The following DYNLRB2 variants were observed in gnomAD, a reference collection of about 807,000 sequenced individuals.
The protein encoded by DYNLRB2 is bithoraxoid-like protein.
A neutral mutation model predicts 12.6 loss-of-function variants in DYNLRB2; 14 were observed. The ratio of observed to expected loss-of-function variants is 1.11; its 90% confidence interval spans 0.73 to 1.73. The LOEUF is 1.73. Ranked by LOEUF, DYNLRB2 falls within the 40% of genes most tolerant of loss-of-function variation. The pLI, the probability that DYNLRB2 is intolerant of heterozygous loss-of-function variation, is 0.00. For synonymous variants in DYNLRB2, 53 were observed against 37.0 expected, an observed-to-expected ratio of 1.43 and a Z score of -1.57; for missense variants, 142 against 117.7, an observed-to-expected ratio of 1.21 and a Z score of -0.95.
At chr16:80,542,347 C>T (rs1156287966) in intron 1 of DYNLRB2, among the ~76,000 whole-genome samples, 1 of 152,118 alleles carries the variant, frequency 6.6e-6, no homozygotes, top group African/African-American at 2.4e-5. Context: ...ATCTAGTACA[C>T]AAATGCCTAA....
chr16:80,541,229 A>G, intron 1 of DYNLRB2, 150 bp downstream of exon 1: 1 of 1,428,704 alleles, frequency 7.0e-7, no homozygotes, highest in Non-Finnish European at 9.3e-7. Context: ...TGGAGGGGCG[A>G]GAGGGAGACC....
chr16:80,549,733 C>A, intron 3 of DYNLRB2, 82 bp downstream of exon 3: 1 of 1,366,688 alleles, frequency 7.3e-7, no homozygotes, highest in Non-Finnish European at 9.9e-7. Context: ...ATGGTAAGTA[C>A]AGATTTTAGT....
intron 2 of DYNLRB2, chr16:80,548,108 G>A: frequency 8.7e-6 from 2 of 229,194 alleles, no homozygotes. Context: ...GCCATGTTAG[G>A]CTCATTTCTT....
At chr16:80,546,132 G>T (rs528436650) in intron 2 of DYNLRB2, among the ~76,000 whole-genome samples, 1 of 152,198 alleles carries the variant, frequency 6.6e-6, no homozygotes, top group African/African-American at 2.4e-5. Context: ...TGGTTCGATT[G>T]TTAATAACCA....
At chr16:80,545,722 C>T (rs1358387934) in intron 2 of DYNLRB2, among the ~76,000 whole-genome samples, 4 of 118,792 alleles carry the variant, frequency 3.4e-5, no homozygotes, top group African/African-American at 1.2e-4. Context: ...GGCTTGAGTG[C>T]AGTGGCAGGA....
chr16:80,547,008 T>C (rs971277094), intron 2 of DYNLRB2, among the ~76,000 whole-genome samples: 1 of 152,174 alleles, frequency 6.6e-6, no homozygotes, highest in Non-Finnish European at 1.5e-5. Context: ...TACACATACA[T>C]ATAAATGTAT....
intron 2 of DYNLRB2, chr16:80,549,027 A>G (rs559814193): frequency 1.3e-5 from 6 of 455,902 alleles, no homozygotes; most frequent in African/African-American, 8.0e-5. Flanking sequence ...TGCATTTCAT[A>G]TAAAAATATG....
At chr16:80,542,286 G>A (rs1904294984) in intron 1 of DYNLRB2, among the ~76,000 whole-genome samples, 2 of 152,156 alleles carry the variant, frequency 1.3e-5, no homozygotes, top group African/African-American at 2.4e-5. Flanking sequence ...ATAATTTAAA[G>A]AACACCTAGA....
chr16:80,540,985 C>A (rs1909289117), upstream of DYNLRB2: 3 of 1,583,840 alleles, frequency 1.9e-6, no homozygotes, highest in African/African-American at 1.3e-5. Flanking sequence ...GGGGCCACTT[C>A]CTTTTTTGTC....
chr16:80,540,918 C>A (rs1203022345), upstream of DYNLRB2: 12 of 1,340,812 alleles, frequency 8.9e-6, no homozygotes, highest in Middle Eastern at 5.3e-4. Flanking sequence ...ATCAGGAGCG[C>A]GGTCAGGGCG....
rs1904789690 is a variant in DYNLRB2, at chr16:80,550,673, C to G, written c.*115C>G. ...ACCCTTCAAACATTCTTTTCTATTT[C>G]TATATCTAAACTGTTCTGCATGTCT... On this transcript the variant is annotated 3_prime_UTR_variant, in exon 4 of 4. Coordinates refer to ENST00000305904, the MANE Select transcript of DYNLRB2 (RefSeq NM_130897.3). 9.3e-6 allele frequency: 11 copies of G among 1,180,122 alleles called. No individual in the cohort carries two copies. The East Asian group carries it at 2.6e-4, about 28-fold the overall frequency. 73.1% of individuals were successfully genotyped at this position (1,180,122 alleles called of 1,614,324 possible).
chr16:80,550,576 C>T lies in DYNLRB2; in HGVS notation c.*18C>T. ...GTGAATAGACCTGCGATGGCCAAGGCTGTTTAAGCGACACTGGGTTGGAAA... is the reference window on the plus strand; with the variant it reads ...GTGAATAGACCTGCGATGGCCAAGGTTGTTTAAGCGACACTGGGTTGGAAA... On this transcript the variant is annotated 3_prime_UTR_variant, in exon 4 of 4. Transcript: ENST00000305904. 6.2e-7 allele frequency: 1 copy of T among 1,614,138 alleles called. No homozygotes were observed. The highest frequency in any genetic ancestry group is 1.6e-4 in the Middle Eastern group (1 of 6,062).
At chr16:80,548,327 G>A (rs183013022) in intron 2 of DYNLRB2, 6 of 156,950 alleles carry the variant, frequency 3.8e-5, no homozygotes, top group Admixed American at 3.7e-4. Context: ...AATGCTGGGT[G>A]TTCCAAGTTG....
rs1904786872 is a variant in DYNLRB2 at position 80,550,620 on chromosome 16, G to A, written c.*62G>A. Reference sequence around the variant, plus strand: ...TTGGAAACACTTGGCTCTCTCATGAGTATTAAAATTCTATTTCAATCTAAC... The same window carrying A: ...TTGGAAACACTTGGCTCTCTCATGAATATTAAAATTCTATTTCAATCTAAC... On this transcript the variant is annotated 3_prime_UTR_variant, in exon 4 of 4. Transcript: ENST00000305904. 1.5e-5 allele frequency: 24 copies of A among 1,562,070 alleles called. No individual in the cohort carries two copies. In the East Asian group the frequency reaches 4.9e-4, roughly 32 times the overall value.
In DYNLRB2 at chr16:80,549,645, G is replaced by C. The variant is rs1267813124; in HGVS notation, c.241G>C (p.Ala81Pro). 4 of 1,588,830 alleles carry C rather than the reference G, an allele frequency of 2.5e-6. No homozygotes were observed. The South Asian group carries it at 3.4e-5, about 14-fold the overall frequency. The part of the protein sequence containing the change: ...IRSKKHEIMV[A>P]PDKEYLLIVI... ...ATCAAAGAAACATGAAATCATGGTA[G>C]CTCCAGGTAATTTGGCATTTCATTT... Residue 81 changes from alanine (A) to proline (P), a missense_variant, in exon 3 of 4, where the codon GCT becomes CCT. Physicochemically the swap from Ala to Pro is conservative, Grantham distance 27. Coordinates refer to ENST00000305904, the MANE Select transcript of DYNLRB2 (RefSeq NM_130897.3).
At chr16:80,543,252 A>C in intron 1 of DYNLRB2, 24 bp from the exon 2 acceptor site, 1 of 1,612,928 alleles carries the variant, frequency 6.2e-7, no homozygotes, top group East Asian at 2.2e-5. Flanking sequence ...CCTTTTGGTT[A>C]ATTATCTTCC....
intron 3 of DYNLRB2, 126 bp downstream of exon 3, chr16:80,549,777 A>G (rs1904726359): frequency 9.8e-7 from 1 of 1,020,884 alleles, no homozygotes; most frequent in Non-Finnish European, 1.3e-6. Flanking sequence ...TTCTATTACA[A>G]AATGATGTTT....
At chr16:80,546,421 A>G (rs1276615779) in intron 2 of DYNLRB2, among the ~76,000 whole-genome samples, 1 of 152,232 alleles carries the variant, frequency 6.6e-6, no homozygotes, top group East Asian at 1.9e-4. Flanking sequence ...ATTTGTGGTT[A>G]GGTCAGACTT....
At chr16:80,540,856 T>C (rs1909278017), upstream of DYNLRB2, 3 of 787,466 alleles carry the variant, frequency 3.8e-6, no homozygotes, top group East Asian at 2.7e-5. Flanking sequence ...GAACCTCAGG[T>C]GAGCGCCTGC....
Sources: allele counts gnomAD v4.1 joint callset (sites outside exome capture counted in the v4.1 genomes callset), GRCh38; gene constraint gnomAD v4.1.1; transcripts MANE v1.5; gene names NCBI Gene and HGNC (gene_info 2026-07-23, HGNC 2026-07-21).